Variants in NXPE2 observed in about 807,000 individuals in gnomAD.
NXPE2 encodes the protein neurexophilin and PC-esterase domain family member 2.
Under a neutral mutation model 34.4 loss-of-function variants are expected in NXPE2, and 34 were observed. That is an observed-to-expected ratio of 0.99 (90% CI 0.75 to 1.31). NXPE2 has a LOEUF of 1.31. Among genes scored for constraint, NXPE2 ranks in the 40% most tolerant of loss-of-function variants. The pLI is 0.00. For synonymous variants in NXPE2, 235 were observed against 231.3 expected, an observed-to-expected ratio of 1.02 and a Z score of -0.15; for missense variants, 649 against 672.5, an observed-to-expected ratio of 0.97 and a Z score of 0.39.
chr11:114,639,500 C>T, the NXPE2 span, among the ~76,000 whole-genome samples: 1 of 151,406 alleles, frequency 6.6e-6, no homozygotes, highest in African/African-American at 2.4e-5. Flanking sequence ...GTCTGGCACT[C>T]CCTAGTGAGA....
the NXPE2 span, among the ~76,000 whole-genome samples, chr11:114,731,390 T>G: frequency 2.0e-5 from 3 of 152,250 alleles, no homozygotes; most frequent in South Asian, 6.2e-4. Context: ...CTCAGAAAAA[T>G]GAAAACTTAT....
At chr11:114,553,810 C>G in the NXPE2 span, 8 of 971,538 alleles carry the variant, frequency 8.2e-6, no homozygotes, top group Non-Finnish European at 9.8e-6. Flanking sequence ...AAAGCCTATT[C>G]ATGCACATTT....
At chr11:114,726,706 G>C in the NXPE2 span, among the ~76,000 whole-genome samples, 1 of 151,936 alleles carries the variant, frequency 6.6e-6, no homozygotes, top group African/African-American at 2.4e-5. Context: ...GAGGAACAAG[G>C]CCACTCTTTC....
At chr11:114,629,132 A>C in the NXPE2 span, among the ~76,000 whole-genome samples, 2 of 152,096 alleles carry the variant, frequency 1.3e-5, no homozygotes, top group Non-Finnish European at 2.9e-5. Flanking sequence ...AAACTATTCC[A>C]ATCAATAGAA....
chr11:114,536,149 C>T, the NXPE2 span, among the ~76,000 whole-genome samples: 62 of 152,114 alleles, frequency 4.1e-4, 1 homozygote, highest in Admixed American at 4.1e-3. Context: ...CCCTCAACTA[C>T]ATGGAAACTG....
the NXPE2 span, chr11:114,571,588 T>A: frequency 1.0e-6 from 1 of 1,001,350 alleles, no homozygotes; most frequent in South Asian, 1.7e-5. Flanking sequence ...TCATGTCTAA[T>A]TTATTATAGG....
chr11:114,653,002 CTG>C, the NXPE2 span, among the ~76,000 whole-genome samples: 1 of 152,152 alleles, frequency 6.6e-6, no homozygotes. Context: ...TTTGCAACCT[CTG>C]TGTAAAATCT....
chr11:114,591,934 T>C, the NXPE2 span, among the ~76,000 whole-genome samples: 1 of 152,132 alleles, frequency 6.6e-6, no homozygotes, highest in African/African-American at 2.4e-5. Context: ...ACAAAAATCA[T>C]ATAATCATCT....
the NXPE2 span, among the ~76,000 whole-genome samples, chr11:114,540,989 T>C: frequency 6.6e-6 from 1 of 151,644 alleles, no homozygotes; most frequent in Admixed American, 6.6e-5. Flanking sequence ...TTTCTGAGTA[T>C]GAACTTTGCT....
At chr11:114,632,572 T>A in the NXPE2 span, among the ~76,000 whole-genome samples, 1 of 113,644 alleles carries the variant, frequency 8.8e-6, no homozygotes, top group African/African-American at 3.5e-5. Context: ...TATTTACATA[T>A]ATCATATATT....
chr11:114,621,450 C>T, the NXPE2 span, among the ~76,000 whole-genome samples: 2 of 150,836 alleles, frequency 1.3e-5, no homozygotes, highest in Non-Finnish European at 3.0e-5. Context: ...ATCACTGTTA[C>T]CCAGTGGATA....
chr11:114,604,012 C>A, the NXPE2 span, among the ~76,000 whole-genome samples: 2 of 151,796 alleles, frequency 1.3e-5, no homozygotes, highest in African/African-American at 4.8e-5. Context: ...TAGGTAACTA[C>A]CATTACGTGG....
the NXPE2 span, among the ~76,000 whole-genome samples, chr11:114,801,375 G>A: frequency 5.3e-5 from 8 of 152,336 alleles, no homozygotes; most frequent in Non-Finnish European, 1.0e-4. Flanking sequence ...AAGGCAGACA[G>A]CAAATTTGAC....
At chr11:114,640,194 T>C in the NXPE2 span, among the ~76,000 whole-genome samples, 1,320 of 134,142 alleles carry the variant, frequency 9.8e-3, 30 homozygotes, top group Middle Eastern at 0.019. Context: ...ATATATAATT[T>C]ATATATATTA....
At chr11:114,618,015 G>T in the NXPE2 span, among the ~76,000 whole-genome samples, 1 of 151,792 alleles carries the variant, frequency 6.6e-6, no homozygotes, top group African/African-American at 2.4e-5. Context: ...GTTACCCGCT[G>T]GATAATAAGT....
the NXPE2 span, among the ~76,000 whole-genome samples, chr11:114,497,901 T>G: frequency 7.9e-5 from 12 of 152,300 alleles, no homozygotes; most frequent in South Asian, 2.5e-3. Context: ...TGCCTTATGT[T>G]TATGTTATAA....
the NXPE2 span, among the ~76,000 whole-genome samples, chr11:114,579,313 C>T: frequency 6.6e-5 from 10 of 152,310 alleles, no homozygotes; most frequent in African/African-American, 2.4e-4. Flanking sequence ...CCAAACACTT[C>T]CCACTAGGTC....
chr11:114,707,218 A>G (rs1349599229), downstream of NXPE2, among the ~76,000 whole-genome samples: 1 of 146,014 alleles, frequency 6.8e-6, no homozygotes, highest in African/African-American at 2.6e-5. Context: ...CAGCCTCCCA[A>G]GTAGCTGGGA....
At chr11:114,616,003 T>C in the NXPE2 span, among the ~76,000 whole-genome samples, 28 of 151,608 alleles carry the variant, frequency 1.8e-4, no homozygotes, top group Non-Finnish European at 3.2e-4. Flanking sequence ...TGTGACCCAG[T>C]GGATAATAAG....
Sources: allele counts gnomAD v4.1 joint callset (sites outside exome capture counted in the v4.1 genomes callset), GRCh38; gene constraint gnomAD v4.1.1; transcripts MANE v1.5; gene names NCBI Gene and HGNC (gene_info 2026-07-23, HGNC 2026-07-21).